The following NRG1 variants were observed in gnomAD, a reference collection of about 807,000 sequenced individuals.
NRG1 encodes the protein neuregulin 1.
NRG1 carries 18 observed loss-of-function variants against 63.8 expected under a neutral mutation model. That is an observed-to-expected ratio of 0.28 (90% CI 0.19 to 0.42). The LOEUF (loss-of-function observed/expected upper bound fraction) is 0.42, where lower values mean the gene tolerates loss of function less well. Ranked by LOEUF, NRG1 falls within the 10% of genes least tolerant of loss-of-function variation. The pLI is 1.00. For missense variants in NRG1, 762 were observed against 814.7 expected (o/e 0.94, Z 0.79); for synonymous variants, 302 against 301.3 (o/e 1.00, Z -0.02).
intron 1 of NRG1, among the ~76,000 whole-genome samples, chr8:31,869,189 G>A (rs1829265068): frequency 1.3e-5 from 2 of 152,122 alleles, no homozygotes; most frequent in African/African-American, 2.4e-5. Flanking sequence ...GGTAAAGTCT[G>A]CATTTGGTAC....
At chr8:31,858,885 C>T (rs968928055) in intron 1 of NRG1, among the ~76,000 whole-genome samples, 1 of 152,118 alleles carries the variant, frequency 6.6e-6, no homozygotes, top group African/African-American at 2.4e-5. Flanking sequence ...CCTGATCTCT[C>T]GCGAACTGAC....
intron 1 of NRG1, among the ~76,000 whole-genome samples, chr8:32,283,091 C>T (rs1853074038): frequency 1.3e-5 from 2 of 152,102 alleles, no homozygotes; most frequent in South Asian, 4.2e-4. Context: ...AGTTTCCTGG[C>T]ACTTAATTCC....
chr8:31,877,480 T>C (rs1170217371), intron 1 of NRG1, among the ~76,000 whole-genome samples: 1 of 150,972 alleles, frequency 6.6e-6, no homozygotes, highest in East Asian at 1.9e-4. Context: ...TCTCCATGTA[T>C]GTATGTGTGT....
At chr8:32,519,365 CT>C (rs752870024) in intron 1 of NRG1, among the ~76,000 whole-genome samples, 1 of 151,898 alleles carries the variant, frequency 6.6e-6, no homozygotes, top group Non-Finnish European at 1.5e-5. Context: ...GAATGGATGG[CT>C]CTTACCACAA....
intron 1 of NRG1, among the ~76,000 whole-genome samples, chr8:32,304,613 T>C (rs1333681160): frequency 6.6e-6 from 1 of 152,172 alleles, no homozygotes; most frequent in Non-Finnish European, 1.5e-5. Flanking sequence ...ATAAAATATT[T>C]GGGCTGAAAT....
At chr8:32,631,885 G>A (rs1411874908) in intron 5 of NRG1, among the ~76,000 whole-genome samples, 2 of 152,018 alleles carry the variant, frequency 1.3e-5, no homozygotes, top group African/African-American at 2.4e-5. Context: ...CTGGCTTTTT[G>A]GGGGTGGACA....
chr8:31,830,656 T>G lies in NRG1; in HGVS notation c.37+191225T>G, dbSNP rs1053111538. Among the ~76,000 whole-genome samples the G allele has an allele frequency of 6.6e-4, 100 of 152,236 alleles. 1 individual carries two copies. The highest frequency in any genetic ancestry group is 2.0e-3 in the African/African-American group (83 of 41,540). On this transcript the variant is annotated intron_variant, in intron 1 of 10. Coordinates refer to the NRG1 transcript ENST00000519301. The stretch of plus-strand genomic sequence containing the variant: ...CCTTGGCTCTATTCTCAGCAGGTCT[T>G]GTCTTCCTGTTCCTAAATTGGCCAT...
At chr8:32,217,770 A>G (rs1358472973) in intron 1 of NRG1, among the ~76,000 whole-genome samples, 1 of 152,184 alleles carries the variant, frequency 6.6e-6, no homozygotes, top group Non-Finnish European at 1.5e-5. Flanking sequence ...TACCTAGGAT[A>G]TGTCAGCCAG....
intron 1 of NRG1, among the ~76,000 whole-genome samples, chr8:31,955,912 C>T (rs2129624435): frequency 6.6e-6 from 1 of 151,622 alleles, no homozygotes; most frequent in South Asian, 2.1e-4. Flanking sequence ...ATGGTAGTGT[C>T]TGCCTGTAGT....
At chr8:31,834,978 T>C (rs1381531354) in intron 1 of NRG1, among the ~76,000 whole-genome samples, 1 of 152,192 alleles carries the variant, frequency 6.6e-6, no homozygotes, top group Admixed American at 6.5e-5. Flanking sequence ...GGCAACACAA[T>C]ATGTTTTCTA....
intron 1 of NRG1, among the ~76,000 whole-genome samples, chr8:31,894,323 A>T (rs1344906244): frequency 6.6e-6 from 1 of 152,154 alleles, no homozygotes; most frequent in East Asian, 1.9e-4. Context: ...ATCAATAGGT[A>T]AGTGTTTAAA....
intron 2 of NRG1, among the ~76,000 whole-genome samples, chr8:32,600,245 T>C (rs1459739724): frequency 6.6e-6 from 1 of 151,072 alleles, no homozygotes; most frequent in Non-Finnish European, 1.5e-5. Context: ...TCTCTATACT[T>C]AAAAAAAAAT....
At chr8:32,591,360 G>A (rs1842491659) in intron 1 of NRG1, among the ~76,000 whole-genome samples, 1 of 152,088 alleles carries the variant, frequency 6.6e-6, no homozygotes, top group Non-Finnish European at 1.5e-5. Context: ...CGCAAACATC[G>A]AGAAATGTTC....
chr8:32,761,505 G>A (rs1830662589), intron 11 of NRG1, among the ~76,000 whole-genome samples: 1 of 151,914 alleles, frequency 6.6e-6, no homozygotes, highest in African/African-American at 2.4e-5. Flanking sequence ...TTAGAACTTT[G>A]TGGAATTTAT....
chr8:31,640,970 T>C lies in NRG1; in HGVS notation c.37+1539T>C, dbSNP rs1208143515. ...AGTTTAGTCCTGGGTTGGGGCCTCC[T>C]GAAACTTTTTAATCCTTTGGGGTTT... is the stretch of plus-strand genomic sequence containing the variant. On this transcript the variant is annotated intron_variant, in intron 1 of 10. Coordinates refer to the NRG1 transcript ENST00000519301. The surrounding 1 kb of genome is among the most constrained non-coding windows in gnomAD (Gnocchi z 6.3). 6.6e-6 allele frequency among the ~76,000 whole-genome samples: 1 copy of C among 152,216 alleles called. No homozygotes were observed. Among genetic ancestry groups the C allele is most frequent in the South Asian group, 2.1e-4 (1 of 4,832 alleles).
At chr8:32,548,935 C>G (rs1211225358) in intron 1 of NRG1, 109 bp downstream of exon 1, 2 of 1,348,008 alleles carry the variant, frequency 1.5e-6, no homozygotes, top group Admixed American at 2.8e-5. Context: ...CGCCCGTCCT[C>G]TTCGCCCTGC....
At chr8:32,455,716 A>T (rs1212080546) in intron 1 of NRG1, among the ~76,000 whole-genome samples, 2 of 152,228 alleles carry the variant, frequency 1.3e-5, no homozygotes, top group Admixed American at 6.5e-5. Context: ...GAGCTGAGGA[A>T]CTCAATCAAC....
chr8:31,710,007 A>C (rs1407517331), intron 1 of NRG1, among the ~76,000 whole-genome samples: 1 of 150,422 alleles, frequency 6.6e-6, no homozygotes, highest in African/African-American at 2.4e-5. Context: ...CAATTTCCTT[A>C]TTTTCTTTAT....
chr8:32,150,549 G>A (rs1420447875), intron 1 of NRG1, among the ~76,000 whole-genome samples: 3 of 152,206 alleles, frequency 2.0e-5, no homozygotes, highest in Non-Finnish European at 4.4e-5. Context: ...CACTCTTTAT[G>A]AAGCAGAGTG....
Sources: allele counts gnomAD v4.1 joint callset (sites outside exome capture counted in the v4.1 genomes callset), GRCh38; gene constraint gnomAD v4.1.1; non-coding constraint Gnocchi (gnomAD v3.1); transcripts MANE v1.5; gene names NCBI Gene and HGNC (gene_info 2026-07-23, HGNC 2026-07-21).